NXPE2: variants seen among roughly 807,000 people sequenced by gnomAD.
The protein encoded by NXPE2 is NXPE family member 2.
A neutral mutation model predicts 34.4 loss-of-function variants in NXPE2; 34 were observed. That is an observed-to-expected ratio of 0.99 (90% CI 0.75 to 1.31). The LOEUF (loss-of-function observed/expected upper bound fraction) is 1.31. Among genes scored for constraint, NXPE2 ranks in the 40% most tolerant of loss-of-function variants. The pLI is 0.00. For synonymous variants in NXPE2, 235 were observed against 231.3 expected, an observed-to-expected ratio of 1.02 and a Z score of -0.15; for missense variants, 649 against 672.5, an observed-to-expected ratio of 0.97 and a Z score of 0.39.
the NXPE2 span, among the ~76,000 whole-genome samples, chr11:114,464,852 A>G: frequency 1.3e-5 from 2 of 152,188 alleles, no homozygotes; most frequent in African/African-American, 4.8e-5. Context: ...TCCTACAAAA[A>G]AAAACGAAAA....
chr11:114,721,153 C>T, the NXPE2 span, among the ~76,000 whole-genome samples: 1 of 151,724 alleles, frequency 6.6e-6, no homozygotes, highest in African/African-American at 2.4e-5. Flanking sequence ...CTGGGGGTTG[C>T]GGGTTGTGAG....
chr11:114,588,518 A>G, the NXPE2 span, among the ~76,000 whole-genome samples: 2 of 152,174 alleles, frequency 1.3e-5, no homozygotes, highest in African/African-American at 2.4e-5. Context: ...GATGAGCAAT[A>G]TGTCTCCTAT....
At chr11:114,624,618 A>T in the NXPE2 span, among the ~76,000 whole-genome samples, 2 of 152,100 alleles carry the variant, frequency 1.3e-5, no homozygotes. Context: ...CTCATGGGCA[A>T]CCACTGTTAC....
upstream of NXPE2, among the ~76,000 whole-genome samples, chr11:114,675,751 C>A (rs1375093167): frequency 6.6e-6 from 1 of 151,780 alleles, no homozygotes; most frequent in Non-Finnish European, 1.5e-5. Flanking sequence ...AGTAATAATT[C>A]TGAAACTTAC....
chr11:114,698,514 C>G lies in NXPE2; in HGVS notation c.602C>G (p.Ser201Ter), dbSNP rs1386029375. The change falls in exon 3 of 6, where the codon TCA (serine) becomes TGA (stop). Residue 201 changes from serine to a stop codon, truncating the protein, a stop_gained. Coordinates refer to ENST00000389586, the MANE Select transcript of NXPE2 (RefSeq NM_182495.6). LOFTEE classifies it high-confidence loss of function. ...LLLIHPSEGV[S>*]ALWRARNQGC... ...CTCATCCACCCCAGTGAAGGGGTAT[C>G]AGCTCTCTGGAGGGCAAGGAACCAA... The G allele has an allele frequency of 1.9e-6, 3 of 1,614,090 alleles. No individual in the cohort carries two copies. The highest frequency in any genetic ancestry group is 2.5e-6 in the Non-Finnish European group (3 of 1,179,958).
chr11:114,804,088 C>A, the NXPE2 span, among the ~76,000 whole-genome samples: 3 of 152,390 alleles, frequency 2.0e-5, no homozygotes, highest in South Asian at 6.2e-4. Flanking sequence ...ATTCAACAGG[C>A]TGTCCCTGCA....
the NXPE2 span, among the ~76,000 whole-genome samples, chr11:114,804,076 G>A: frequency 1.3e-5 from 2 of 152,228 alleles, no homozygotes; most frequent in Non-Finnish European, 2.9e-5. Flanking sequence ...AGTTTCAAAG[G>A]TATTCAACAG....
At chr11:114,670,853 A>G in the NXPE2 span, among the ~76,000 whole-genome samples, 3 of 151,746 alleles carry the variant, frequency 2.0e-5, no homozygotes, top group African/African-American at 7.3e-5. Context: ...TGACTCACGA[A>G]CAGGAGAAAA....
the NXPE2 span, among the ~76,000 whole-genome samples, chr11:114,591,343 A>G: frequency 6.6e-6 from 1 of 152,206 alleles, no homozygotes; most frequent in Non-Finnish European, 1.5e-5. Context: ...TCTTACTACT[A>G]ATGAATCTAC....
At chr11:114,650,487 G>A in the NXPE2 span, among the ~76,000 whole-genome samples, 1 of 152,152 alleles carries the variant, frequency 6.6e-6, no homozygotes, top group Non-Finnish European at 1.5e-5. Context: ...CAGCAGCTAG[G>A]GGATGGGCAT....
the NXPE2 span, among the ~76,000 whole-genome samples, chr11:114,799,682 C>T: frequency 6.6e-6 from 1 of 152,220 alleles, no homozygotes; most frequent in Non-Finnish European, 1.5e-5. Flanking sequence ...GCAGAGGCTG[C>T]ACCCGTTTAA....
the NXPE2 span, among the ~76,000 whole-genome samples, chr11:114,751,626 C>A: frequency 6.6e-6 from 1 of 152,090 alleles, no homozygotes; most frequent in Non-Finnish European, 1.5e-5. Flanking sequence ...TTAAATATTT[C>A]AGTCGGGAAA....
the NXPE2 span, chr11:114,551,005 G>A: frequency 3.1e-6 from 2 of 651,948 alleles, no homozygotes; most frequent in Non-Finnish European, 5.4e-6. Context: ...TTGAGGTGGG[G>A]GAGGAGGGGC....
chr11:114,583,024 GAAATGACAGC>G, the NXPE2 span: 1 of 1,601,600 alleles, frequency 6.2e-7, no homozygotes, highest in Non-Finnish European at 8.5e-7. Context: ...GACCAAACCT[GAAATGACAGC>G]AAATGTGACA....
chr11:114,657,858 C>G, the NXPE2 span, among the ~76,000 whole-genome samples: 1 of 152,256 alleles, frequency 6.6e-6, no homozygotes, highest in South Asian at 2.1e-4. Flanking sequence ...ACAGACTGAG[C>G]AAAATCTCTC....
the NXPE2 span, among the ~76,000 whole-genome samples, chr11:114,540,956 A>G: frequency 7.0e-6 from 1 of 142,010 alleles, no homozygotes; most frequent in African/African-American, 2.6e-5. Context: ...CCCAGAACAG[A>G]GGCAGAGAAG....
At chr11:114,675,073 G>GA (rs769883679), upstream of NXPE2, among the ~76,000 whole-genome samples, 1 of 151,488 alleles carries the variant, frequency 6.6e-6, no homozygotes, top group Non-Finnish European at 1.5e-5. Flanking sequence ...AATAGATAAA[G>GA]AAAAAGGATT....
At chr11:114,514,774 C>G in the NXPE2 span, among the ~76,000 whole-genome samples, 2 of 152,144 alleles carry the variant, frequency 1.3e-5, no homozygotes, top group African/African-American at 4.8e-5. Flanking sequence ...TGTTTATTGA[C>G]TCCCTAGCAT....
At chr11:114,655,201 T>A in the NXPE2 span, among the ~76,000 whole-genome samples, 8 of 152,240 alleles carry the variant, frequency 5.3e-5, no homozygotes, top group African/African-American at 1.9e-4. Context: ...TATGTTTAAG[T>A]TCCTTGTAAA....
Sources: allele counts gnomAD v4.1 joint callset (sites outside exome capture counted in the v4.1 genomes callset), GRCh38; gene constraint gnomAD v4.1.1; transcripts MANE v1.5; gene names NCBI Gene and HGNC (gene_info 2026-07-23, HGNC 2026-07-21).